DGKB: variants seen among roughly 807,000 people sequenced by gnomAD.
DGKB encodes 90 kDa diacylglycerol kinase.
In DGKB, 67 loss-of-function variants were observed where a neutral mutation model predicts 114.3. The ratio of observed to expected loss-of-function variants is 0.59; its 90% confidence interval spans 0.48 to 0.72. The LOEUF (loss-of-function observed/expected upper bound fraction) is 0.72. Ranked by LOEUF, DGKB falls within the 30% of genes least tolerant of loss-of-function variation. DGKB has a pLI of 0.00. For synonymous variants in DGKB, 398 were observed against 323.1 expected (o/e 1.23, Z -2.49); for missense variants, 907 against 975.2 (o/e 0.93, Z 0.93).
intron 21 of DGKB, among the ~76,000 whole-genome samples, chr7:14,373,705 A>G (rs1306968677): frequency 6.6e-6 from 1 of 152,014 alleles, no homozygotes; most frequent in Admixed American, 6.6e-5. Context: ...GACTCCTCCA[A>G]TTCAGAACAA....
At chr7:14,269,431 T>C (rs1217759020) in intron 23 of DGKB, among the ~76,000 whole-genome samples, 1 of 152,190 alleles carries the variant, frequency 6.6e-6, no homozygotes, top group Non-Finnish European at 1.5e-5. Context: ...AAGAATCAAC[T>C]TAAATGGTCT....
At chr7:14,369,479 C>T (rs1563036269) in intron 21 of DGKB, among the ~76,000 whole-genome samples, 2 of 152,128 alleles carry the variant, frequency 1.3e-5, no homozygotes, top group South Asian at 2.1e-4. Flanking sequence ...GGTTCTAGAT[C>T]GTTGAGGAAT....
At chr7:14,213,266 T>G (rs1157053204) in intron 23 of DGKB, among the ~76,000 whole-genome samples, 1 of 152,070 alleles carries the variant, frequency 6.6e-6, no homozygotes, top group African/African-American at 2.4e-5. Flanking sequence ...CTATTTAAAG[T>G]TGCGCTTTCT....
At chr7:14,469,512 G>C (rs1443612103) in intron 21 of DGKB, among the ~76,000 whole-genome samples, 1 of 152,024 alleles carries the variant, frequency 6.6e-6, no homozygotes, top group Non-Finnish European at 1.5e-5. Flanking sequence ...TCATCCTCCA[G>C]TCCTCACTCA....
intron 2 of DGKB, among the ~76,000 whole-genome samples, chr7:14,839,079 A>T (rs1382378073): frequency 6.6e-6 from 1 of 152,194 alleles, no homozygotes; most frequent in African/African-American, 2.4e-5. Flanking sequence ...GTCTGCTTGT[A>T]TCACATACAA....
chr7:14,935,087 C>T (rs945765346), intron 1 of DGKB, among the ~76,000 whole-genome samples: 11 of 152,100 alleles, frequency 7.2e-5, no homozygotes, highest in African/African-American at 2.4e-4. Context: ...GCTGACAAAT[C>T]GTGGTGCTGG....
chr7:14,926,265 T>C (rs1458638955), intron 1 of DGKB, among the ~76,000 whole-genome samples: 1 of 152,074 alleles, frequency 6.6e-6, no homozygotes, highest in African/African-American at 2.4e-5. Flanking sequence ...TTAAAATTCT[T>C]GTCAGACAAC....
At chr7:14,766,714 GTAGA>G (rs769864983) in intron 2 of DGKB, among the ~76,000 whole-genome samples, 1 of 151,840 alleles carries the variant, frequency 6.6e-6, no homozygotes, top group Non-Finnish European at 1.5e-5. Context: ...TATAGTGATT[GTAGA>G]TAGATAAGAT....
At chr7:14,940,141 G>A (rs73058965) in intron 1 of DGKB, among the ~76,000 whole-genome samples, 21,673 of 151,976 alleles carry the variant, frequency 0.14, 1,618 homozygotes, top group Admixed American at 0.2. Flanking sequence ...AAATTCAAAT[G>A]TGCTCATTTC....
At chr7:14,968,012 C>A (rs1787262953) in intron 1 of DGKB, among the ~76,000 whole-genome samples, 1 of 152,090 alleles carries the variant, frequency 6.6e-6, no homozygotes, top group Non-Finnish European at 1.5e-5. Flanking sequence ...AGTGACAGCT[C>A]ATTCAGCCAC....
rs1816733372 is a variant in DGKB, at chr7:14,660,163, A to G, written c.1134+12766T>C. Among the ~76,000 whole-genome samples the G allele has an allele frequency of 2.0e-5, 3 of 151,980 alleles. No individual in the cohort carries two copies. In the South Asian group the frequency reaches 6.2e-4, roughly 31 times the overall value. On this transcript the variant is annotated intron_variant, in intron 13 of 25. Transcript: ENST00000402815. ...TATTTTATTGAGGATATTTGCATCAATGTTCCTCAAGGATATTGGTCTAAA... is the reference window on the plus strand; with the variant it reads ...TATTTTATTGAGGATATTTGCATCAGTGTTCCTCAAGGATATTGGTCTAAA...
chr7:14,173,191 TA>T (rs1343967485), intron 25 of DGKB, among the ~76,000 whole-genome samples: 1 of 152,242 alleles, frequency 6.6e-6, no homozygotes, highest in Non-Finnish European at 1.5e-5. Context: ...TAGATGGTCC[TA>T]AAAATAATTA....
chr7:14,728,167 T>C (rs141534771), intron 5 of DGKB, among the ~76,000 whole-genome samples: 1 of 152,188 alleles, frequency 6.6e-6, no homozygotes, highest in African/African-American at 2.4e-5. Context: ...AATGGGAGAG[T>C]TGGGGACCAA....
At chr7:14,437,354 C>A (rs1004627744) in intron 21 of DGKB, among the ~76,000 whole-genome samples, 1 of 152,018 alleles carries the variant, frequency 6.6e-6, no homozygotes, top group Admixed American at 6.6e-5. Flanking sequence ...TTTGATAATT[C>A]TAAAACTATC....
intron 21 of DGKB, among the ~76,000 whole-genome samples, chr7:14,400,504 A>C (rs1343441865): frequency 1.3e-5 from 2 of 151,830 alleles, no homozygotes; most frequent in Non-Finnish European, 2.9e-5. Flanking sequence ...GCATTAGAGC[A>C]AGACTAATTG....
chr7:14,759,422 C>T (rs1438985758), intron 2 of DGKB, among the ~76,000 whole-genome samples: 2 of 152,106 alleles, frequency 1.3e-5, no homozygotes, highest in African/African-American at 2.4e-5. Flanking sequence ...GTATTTTCTC[C>T]CCTCTAACCT....
intron 23 of DGKB, among the ~76,000 whole-genome samples, chr7:14,242,463 C>T (rs1793820065): frequency 6.6e-6 from 1 of 152,150 alleles, no homozygotes; most frequent in African/African-American, 2.4e-5. Flanking sequence ...GTGCTTGAGA[C>T]TCAGATTACT....
At chr7:14,835,923 C>T (rs914378415) in intron 2 of DGKB, among the ~76,000 whole-genome samples, 11 of 152,190 alleles carry the variant, frequency 7.2e-5, no homozygotes, top group East Asian at 5.8e-4. Context: ...AGGCTTACTG[C>T]GAGGATTAAA....
intron 20 of DGKB, among the ~76,000 whole-genome samples, chr7:14,556,992 T>C (rs1236346374): frequency 6.6e-6 from 1 of 152,184 alleles, no homozygotes; most frequent in East Asian, 1.9e-4. Context: ...TTTGGCTAAC[T>C]GAAAGCAGTG....
Sources: allele counts gnomAD v4.1 joint callset (sites outside exome capture counted in the v4.1 genomes callset), GRCh38; gene constraint gnomAD v4.1.1; transcripts MANE v1.5; gene names NCBI Gene and HGNC (gene_info 2026-07-23, HGNC 2026-07-21).